The following CAST variants were observed in gnomAD, a reference collection of about 807,000 sequenced individuals.
The protein encoded by CAST is MIR583 host.
In CAST, 76 loss-of-function variants were observed where a neutral mutation model predicts 119.6. The observed-to-expected ratio is 0.64, with a 90% confidence interval of 0.53 to 0.77. The LOEUF is 0.77. Ranked by LOEUF, CAST falls within the 30% of genes least tolerant of loss-of-function variation. The pLI, the probability that CAST is intolerant of heterozygous loss-of-function variation, is 0.00. For missense variants in CAST, 953 were observed against 946.5 expected, an observed-to-expected ratio of 1.01 and a Z score of -0.09; for synonymous variants, 319 against 331.6, an observed-to-expected ratio of 0.96 and a Z score of 0.41.
chr5:96,298,245 A>C, the CAST span, among the ~76,000 whole-genome samples: 1 of 152,256 alleles, frequency 6.6e-6, no homozygotes, highest in Non-Finnish European at 1.5e-5. Flanking sequence ...GCCTGGGCTC[A>C]GAATATTCTC....
At chr5:96,335,650 TCCC>T in the CAST span, among the ~76,000 whole-genome samples, 1 of 152,146 alleles carries the variant, frequency 6.6e-6, no homozygotes, top group South Asian at 2.1e-4. Flanking sequence ...CTCCAATTTC[TCCC>T]CCAAGCTTTA....
the CAST span, among the ~76,000 whole-genome samples, chr5:96,078,559 A>G: frequency 2.0e-5 from 3 of 152,146 alleles, no homozygotes; most frequent in Admixed American, 2.0e-4. Flanking sequence ...ACGCCCGGCT[A>G]ATTTTTTCAT....
intron 1 of CAST, among the ~76,000 whole-genome samples, chr5:96,589,951 T>G (rs1001771135): frequency 5.3e-5 from 8 of 152,200 alleles, no homozygotes; most frequent in Non-Finnish European, 1.2e-4. Context: ...GAAGAACACT[T>G]TTGAAGTTTC....
chr5:96,293,593 T>C, the CAST span, among the ~76,000 whole-genome samples: 1 of 151,806 alleles, frequency 6.6e-6, no homozygotes, highest in East Asian at 1.9e-4. Flanking sequence ...TCTTTTGTGT[T>C]GTGAGTTCAT....
the CAST span, among the ~76,000 whole-genome samples, chr5:96,063,247 A>G: frequency 6.6e-6 from 1 of 152,108 alleles, no homozygotes; most frequent in Admixed American, 6.5e-5. Context: ...CTGCCTGGGT[A>G]TTAGCTGAAG....
the CAST span, among the ~76,000 whole-genome samples, chr5:96,504,605 C>T: frequency 6.6e-6 from 1 of 151,958 alleles, no homozygotes; most frequent in Admixed American, 6.6e-5. Context: ...TTCCTCTTCC[C>T]CCTTCTCATA....
At chr5:96,107,216 C>T in the CAST span, among the ~76,000 whole-genome samples, 1 of 152,036 alleles carries the variant, frequency 6.6e-6, no homozygotes, top group Non-Finnish European at 1.5e-5. Flanking sequence ...GCATTTTGTC[C>T]ATTTACATTT....
intron 22 of CAST, among the ~76,000 whole-genome samples, chr5:96,755,682 C>T (rs1283060046): frequency 6.6e-6 from 1 of 152,232 alleles, no homozygotes; most frequent in Admixed American, 6.5e-5. Flanking sequence ...TCTCACTCAT[C>T]CATGTGCACT....
At chr5:96,549,220 A>G (rs1207800126) in intron 1 of CAST, among the ~76,000 whole-genome samples, 2 of 152,262 alleles carry the variant, frequency 1.3e-5, no homozygotes, top group African/African-American at 4.8e-5. Context: ...TACACAAGTC[A>G]ATGGTATGGA....
chr5:96,246,752 C>T, the CAST span, among the ~76,000 whole-genome samples: 1 of 152,218 alleles, frequency 6.6e-6, no homozygotes, highest in Non-Finnish European at 1.5e-5. Flanking sequence ...ATTTCACCCA[C>T]TTTCACATTT....
the CAST span, among the ~76,000 whole-genome samples, chr5:95,975,912 T>C: frequency 3.2e-4 from 49 of 152,286 alleles, no homozygotes; most frequent in African/African-American, 1.1e-3. Flanking sequence ...CCCCTGACGA[T>C]AGCCAGGGGG....
the CAST span, among the ~76,000 whole-genome samples, chr5:96,233,780 A>T: frequency 6.6e-6 from 1 of 152,176 alleles, no homozygotes; most frequent in Non-Finnish European, 1.5e-5. Flanking sequence ...TTTCGACTGT[A>T]AGATAACATA....
At chr5:96,182,580 A>G in the CAST span, among the ~76,000 whole-genome samples, 13 of 152,226 alleles carry the variant, frequency 8.5e-5, no homozygotes, top group Non-Finnish European at 1.9e-4. Context: ...ATGGTATTAT[A>G]TGTCAGACTT....
At chr5:96,230,965 G>GT in the CAST span, among the ~76,000 whole-genome samples, 1 of 152,184 alleles carries the variant, frequency 6.6e-6, no homozygotes. Flanking sequence ...CGCTAGAATA[G>GT]TTATAATCAA....
the CAST span, among the ~76,000 whole-genome samples, chr5:96,372,132 T>G: frequency 6.6e-6 from 1 of 152,222 alleles, no homozygotes; most frequent in Non-Finnish European, 1.5e-5. Flanking sequence ...AGAGTTTAAG[T>G]AAGTTCTCAC....
At position 96,765,336 on chromosome 5, in the gene CAST, A is replaced by G; in HGVS notation, c.2037+11A>G. The G allele has an allele frequency of 9.9e-7, 1 of 1,014,952 alleles. No individual in the cohort carries two copies. Among genetic ancestry groups the G allele is most frequent in the African/African-American group, 2.3e-5 (1 of 42,808 alleles). 62.9% of individuals were successfully genotyped at this position (1,014,952 alleles called of 1,614,324 possible). A position where few individuals can be genotyped will look rare whatever the true frequency, so the allele number is the denominator to read the frequency against. Reference sequence around the variant, plus strand: ...GAAGATAAAGTAAAGGTAAAAAAAAAAAAAAAAAAAAAAAAAATTCACTAA... The same window carrying G: ...GAAGATAAAGTAAAGGTAAAAAAAAGAAAAAAAAAAAAAAAAATTCACTAA... On this transcript the variant is annotated intron_variant, in intron 26 of 31. Coordinates refer to ENST00000675179, the MANE Select transcript of CAST (RefSeq NM_001750.7).
At chr5:96,217,694 T>C in the CAST span, among the ~76,000 whole-genome samples, 1 of 152,204 alleles carries the variant, frequency 6.6e-6, no homozygotes, top group Non-Finnish European at 1.5e-5. Context: ...GTCAGAAATA[T>C]AATGCTGAAT....
intron 1 of CAST, among the ~76,000 whole-genome samples, chr5:96,617,509 G>A (rs1747484969): frequency 6.6e-6 from 1 of 152,052 alleles, no homozygotes; most frequent in South Asian, 2.1e-4. Flanking sequence ...CTCTTAGGAG[G>A]CCGGGCACGG....
At chr5:95,966,771 T>C in the CAST span, among the ~76,000 whole-genome samples, 1 of 152,188 alleles carries the variant, frequency 6.6e-6, no homozygotes, top group Non-Finnish European at 1.5e-5. Context: ...TTTAGCTTTT[T>C]TCCCCTCTCT....
Sources: gnomAD v4.1 joint callset for allele counts (sites outside exome capture counted in the v4.1 genomes callset) on GRCh38, gnomAD v4.1.1 for gene constraint, MANE v1.5 for transcripts, NCBI Gene and HGNC (gene_info 2026-07-23, HGNC 2026-07-21) for gene names.